The following TFDP2 variants were observed in gnomAD, a reference collection of about 807,000 sequenced individuals.
TFDP2 encodes the protein transcription factor Dp-2.
TFDP2 carries 17 observed loss-of-function variants against 59.3 expected under a neutral mutation model. That is an observed-to-expected ratio of 0.29 (90% CI 0.20 to 0.43). The LOEUF is 0.43. Ranked by LOEUF, TFDP2 falls within the 20% of genes least tolerant of loss-of-function variation. The pLI is 1.00. For synonymous variants in TFDP2, 180 were observed against 194.7 expected, an observed-to-expected ratio of 0.92 and a Z score of 0.63; for missense variants, 391 against 528.8, an observed-to-expected ratio of 0.74 and a Z score of 2.56.
At chr3:142,134,639 A>T (rs2062653515) in intron 1 of TFDP2, among the ~76,000 whole-genome samples, 1 of 152,076 alleles carries the variant, frequency 6.6e-6, no homozygotes, top group Non-Finnish European at 1.5e-5. Flanking sequence ...AAATTACTGT[A>T]ATAGTTCTGT....
chr3:142,053,605 A>C (rs1230814966), intron 3 of TFDP2, among the ~76,000 whole-genome samples: 1 of 152,154 alleles, frequency 6.6e-6, no homozygotes, highest in Non-Finnish European at 1.5e-5. Flanking sequence ...TGCTCTTCAA[A>C]ATCTCTTAAC....
chr3:142,133,466 A>G (rs1318448719), intron 1 of TFDP2, among the ~76,000 whole-genome samples: 4 of 150,084 alleles, frequency 2.7e-5, no homozygotes, highest in Non-Finnish European at 4.4e-5. Context: ...TCAGCCCTGC[A>G]AAGTGCTGGG....
intron 3 of TFDP2, among the ~76,000 whole-genome samples, chr3:142,019,647 A>AC (rs55808596): frequency 0.73 from 109,744 of 150,228 alleles, 40,068 homozygotes; most frequent in South Asian, 0.8. Flanking sequence ...TATATTAAAC[A>AC]CCCCCCCCAA....
chr3:141,989,862 T>C (rs1942550983), intron 6 of TFDP2, among the ~76,000 whole-genome samples: 1 of 149,450 alleles, frequency 6.7e-6, no homozygotes, highest in African/African-American at 2.4e-5. Flanking sequence ...TTACAGCACT[T>C]TTACAGATTT....
intron 1 of TFDP2, among the ~76,000 whole-genome samples, chr3:142,116,091 G>A (rs1366215808): frequency 6.6e-6 from 1 of 151,008 alleles, no homozygotes; most frequent in Non-Finnish European, 1.5e-5. Flanking sequence ...TTGAGACAGG[G>A]TCTTGCTCTG....
chr3:141,958,817 C>T (rs1273574938), intron 11 of TFDP2, among the ~76,000 whole-genome samples: 2 of 152,224 alleles, frequency 1.3e-5, no homozygotes, highest in East Asian at 3.9e-4. Context: ...CCCGTTCTGC[C>T]CTTTTTTCCC....
intron 3 of TFDP2, among the ~76,000 whole-genome samples, chr3:142,052,270 G>A (rs1369310637): frequency 6.6e-6 from 1 of 152,056 alleles, no homozygotes; most frequent in African/African-American, 2.4e-5. Context: ...GTGCGCGGTG[G>A]CTCACGCCTA....
intron 9 of TFDP2, among the ~76,000 whole-genome samples, chr3:141,966,216 A>T (rs1938037105): frequency 1.3e-5 from 2 of 152,050 alleles, no homozygotes; most frequent in Non-Finnish European, 2.9e-5. Flanking sequence ...TCTGTTGCCC[A>T]GGCTGGAGTA....
At chr3:142,080,182 C>T (rs773705147) in intron 3 of TFDP2, among the ~76,000 whole-genome samples, 5 of 152,176 alleles carry the variant, frequency 3.3e-5, no homozygotes, top group African/African-American at 7.2e-5. Flanking sequence ...CCAGGCTGGT[C>T]GCGAACTCTT....
At chr3:141,969,088 TAA>T (rs1362883614) in intron 9 of TFDP2, among the ~76,000 whole-genome samples, 1 of 59,400 alleles carries the variant, frequency 1.7e-5, no homozygotes, top group Admixed American at 2.2e-4. Context: ...TATATATATA[TAA>T]CATATATATA....
At chr3:142,011,590 T>TAAAAAAA (rs386398107) in intron 3 of TFDP2, among the ~76,000 whole-genome samples, 1 of 63,886 alleles carries the variant, frequency 1.6e-5, no homozygotes, top group Non-Finnish European at 2.7e-5. Flanking sequence ...TAAAGTATAA[T>TAAAAAAA]AAAAAAAAAA....
At position 141,973,823 on chromosome 3, in the gene TFDP2, T is replaced by C. The variant is rs868157803; in HGVS notation, c.663+225A>G. 3.9e-5 allele frequency among the ~76,000 whole-genome samples: 6 copies of C among 152,150 alleles called. No individual in the cohort carries two copies. In the Middle Eastern group the frequency reaches 0.017, roughly 431 times the overall value. On this transcript the variant is annotated intron_variant, in intron 8 of 12. Coordinates refer to ENST00000489671, the MANE Select transcript of TFDP2 (RefSeq NM_001178139.2). Reference sequence around the variant, plus strand: ...TTCTCTAAGAAACAGTAAAATCAAATTGTTATTCAACTTTTATATCCCTCA... The same window carrying C: ...TTCTCTAAGAAACAGTAAAATCAAACTGTTATTCAACTTTTATATCCCTCA...
At chr3:142,017,587 C>T (rs1945235242) in intron 3 of TFDP2, among the ~76,000 whole-genome samples, 1 of 124,180 alleles carries the variant, frequency 8.1e-6, no homozygotes, top group African/African-American at 3.1e-5. Flanking sequence ...GAGTCTCGCT[C>T]TGTCGCCTAG....
At chr3:142,017,693 C>T (rs1263845055) in intron 3 of TFDP2, among the ~76,000 whole-genome samples, 1 of 151,362 alleles carries the variant, frequency 6.6e-6, no homozygotes, top group Non-Finnish European at 1.5e-5. Context: ...GCTTGGATTA[C>T]AGGCACATGC....
rs1271505815 is a variant in TFDP2 at position 142,013,400 on chromosome 3, A to T, written c.83-7856T>A. 2.0e-5 allele frequency among the ~76,000 whole-genome samples: 3 copies of T among 152,210 alleles called. No homozygotes were observed. The East Asian group carries it at 5.8e-4, about 29-fold the overall frequency. On this transcript the variant is annotated intron_variant, in intron 3 of 12. Transcript: ENST00000489671. ...TTTTTGACTCAAAAGGACACCTTTA[A>T]ATAGATTATAAAGATTCAGTCAACC...
intron 3 of TFDP2, among the ~76,000 whole-genome samples, chr3:142,071,408 T>C (rs930188856): frequency 9.9e-5 from 15 of 152,152 alleles, no homozygotes; most frequent in South Asian, 4.1e-4. Context: ...TCCAACTGCA[T>C]TGGTCTCTCA....
intron 6 of TFDP2, among the ~76,000 whole-genome samples, chr3:141,989,842 CT>C (rs1239268856): frequency 6.6e-6 from 1 of 151,414 alleles, no homozygotes; most frequent in Non-Finnish European, 1.5e-5. Flanking sequence ...ATCTATACCC[CT>C]ATCATTTTTT....
At chr3:142,134,739 A>T (rs1331415270) in intron 1 of TFDP2, among the ~76,000 whole-genome samples, 2 of 152,130 alleles carry the variant, frequency 1.3e-5, no homozygotes, top group East Asian at 3.8e-4. Context: ...TCCTAATATT[A>T]ACACATAGAT....
chr3:142,098,102 A>G (rs1466110918), intron 2 of TFDP2, among the ~76,000 whole-genome samples: 1 of 152,068 alleles, frequency 6.6e-6, no homozygotes, highest in African/African-American at 2.4e-5. Flanking sequence ...ATGTCTATAC[A>G]TTTTGATTGC....
Sources: gnomAD v4.1 joint callset for allele counts (sites outside exome capture counted in the v4.1 genomes callset) on GRCh38, gnomAD v4.1.1 for gene constraint, MANE v1.5 for transcripts, NCBI Gene and HGNC (gene_info 2026-07-23, HGNC 2026-07-21) for gene names.